Variants in SMG7 observed in about 807,000 individuals in gnomAD.
The protein encoded by SMG7 is SMG7 nonsense mediated mRNA decay factor.
In SMG7, 34 loss-of-function variants were observed where a neutral mutation model predicts 148.2. That is an observed-to-expected ratio of 0.23 (90% CI 0.17 to 0.31). SMG7 has a LOEUF of 0.31. Ranked by LOEUF, SMG7 falls within the 10% of genes least tolerant of loss-of-function variation. The pLI is 1.00. For synonymous variants in SMG7, 492 were observed against 515.1 expected (o/e 0.96, Z 0.61); for missense variants, 1,114 against 1,408.4 (o/e 0.79, Z 3.35).
intron 3 of SMG7, among the ~76,000 whole-genome samples, chr1:183,516,317 G>A (rs917709772): frequency 9.9e-5 from 15 of 151,426 alleles, no homozygotes; most frequent in African/African-American, 3.2e-4. Flanking sequence ...ATTAAGCCGC[G>A]ATTTAAAAAA....
intron 4 of SMG7, among the ~76,000 whole-genome samples, chr1:183,524,654 A>G (rs1665463072): frequency 6.6e-6 from 1 of 152,158 alleles, no homozygotes; most frequent in Admixed American, 6.5e-5. Flanking sequence ...GAGTGGTGAT[A>G]GAATCAAAAT....
chr1:183,552,826 C>A lies in SMG7; in HGVS notation c.*895C>A. Reference sequence around the variant, plus strand: ...CCTGACACGTTCTAATAGGTAGAAGCTTTCAGTGTGGTTATTTTTTCTTTG... The same window carrying A: ...CCTGACACGTTCTAATAGGTAGAAGATTTCAGTGTGGTTATTTTTTCTTTG... On this transcript the variant is annotated 3_prime_UTR_variant, in exon 23 of 23. Transcript: ENST00000688051. The A allele has an allele frequency of 7.0e-7, 1 of 1,432,304 alleles. No individual in the cohort carries two copies. Among genetic ancestry groups the A allele is most frequent in the Non-Finnish European group, 9.1e-7 (1 of 1,097,876 alleles). The allele number at this position is 1,432,304 out of a possible 1,614,324, so 88.7% of individuals were successfully genotyped here. A position where few individuals can be genotyped will look rare whatever the true frequency, so the allele number is the denominator to read the frequency against.
At chr1:183,506,969 C>G (rs1265333935) in intron 1 of SMG7, among the ~76,000 whole-genome samples, 1 of 151,538 alleles carries the variant, frequency 6.6e-6, no homozygotes, top group Non-Finnish European at 1.5e-5. Flanking sequence ...ACCTACGCCC[C>G]CCAGGTTCAA....
At chr1:183,526,561 G>T in intron 4 of SMG7, 35 bp from the exon 5 acceptor site, 2 of 1,460,980 alleles carry the variant, frequency 1.4e-6, no homozygotes, top group South Asian at 2.4e-5. Flanking sequence ...GAGCACTTGT[G>T]ACTTACTACT....
rs1666380242 is a variant in SMG7, at chr1:183,528,924, T to G, written c.589T>G (p.Ser197Ala). 1 of 1,613,420 alleles carries G rather than the reference T, an allele frequency of 6.2e-7. No individual in the cohort carries two copies. The highest frequency in any genetic ancestry group is 8.5e-7 in the Non-Finnish European group (1 of 1,179,554). ...QPYNQLAILA[S>A]SKGDHLTTIF... is the part of the protein sequence containing the mutation. ...TTATAATCAGTTGGCTATCTTAGCT[T>G]CTTCCAAAGGAGACCATCTGACCAC... Residue 197 changes from serine (S) to alanine (A), a missense_variant, in exon 7 of 23, where the codon TCT becomes GCT. Transcript: ENST00000688051.
rs1298199709 is a variant in SMG7, at chr1:183,552,966, A to C, written c.*1035A>C. 2.6e-6 allele frequency: 4 copies of C among 1,535,632 alleles called. No homozygotes were observed. The African/African-American group carries it at 5.5e-5, about 21-fold the overall frequency. ...TTATTCCTAATGTGTGCAACATCAC[A>C]TCTCCCCAAGAAGCAACAGCATGGG... is the stretch of plus-strand genomic sequence containing the variant. On this transcript the variant is annotated 3_prime_UTR_variant, in exon 23 of 23. Coordinates refer to ENST00000688051, the MANE Select transcript of SMG7 (RefSeq NM_001375584.1).
In SMG7 at chr1:183,554,046, T is replaced by C. The variant is rs1313856015; in HGVS notation, c.*2115T>C. 3.3e-5 allele frequency: 5 copies of C among 152,682 alleles called. No individual in the cohort carries two copies. The highest frequency in any genetic ancestry group is 7.3e-5 in the Non-Finnish European group (5 of 68,058). The allele number at this position is 152,682 out of a possible 1,614,324, so 9.5% of individuals were successfully genotyped here. A position where few individuals can be genotyped will look rare whatever the true frequency, so the allele number is the denominator to read the frequency against. On this transcript the variant is annotated 3_prime_UTR_variant, in exon 23 of 23. Transcript: ENST00000688051. ...GAGTAATGAGGGGGAGGAGAATCTT[T>C]ATCAGAAACTGGTTTTGTGTAGTAA...
intron 1 of SMG7, among the ~76,000 whole-genome samples, chr1:183,500,709 C>T (rs922495628): frequency 6.6e-6 from 1 of 151,980 alleles, no homozygotes; most frequent in South Asian, 2.1e-4. Flanking sequence ...GTTTAAAATA[C>T]AAGAATGGGT....
intron 1 of SMG7, among the ~76,000 whole-genome samples, chr1:183,505,075 T>G (rs1359598170): frequency 2.0e-5 from 3 of 151,996 alleles, no homozygotes; most frequent in African/African-American, 4.8e-5. Flanking sequence ...CCTTCTTTCC[T>G]TTATTCTAAA....
chr1:183,544,482 C>T lies in SMG7; in HGVS notation c.1972C>T (p.Leu658Phe). ...TCATCACCCTGGAGCCTTCCCTCCT[C>T]TTCCCAGCAGGCCAGGTAAATATGT... ...PIHHPGAFPP[L>F]PSRPGFPPPT... The change falls in exon 15 of 23, where the codon CTT becomes TTT. Residue 658 changes from leucine (L) to phenylalanine (F), a missense_variant. Transcript: ENST00000688051. 6.2e-7 allele frequency: 1 copy of T among 1,613,806 alleles called. No individual in the cohort carries two copies. Among genetic ancestry groups the T allele is most frequent in the Non-Finnish European group, 8.5e-7 (1 of 1,179,778 alleles).
rs1016911670 is a variant in SMG7, at chr1:183,542,116, A to C, written c.1456A>C (p.Ile486Leu). 3 of 1,613,520 alleles carry C rather than the reference A, an allele frequency of 1.9e-6. No homozygotes were observed. The highest frequency in any genetic ancestry group is 2.5e-6 in the Non-Finnish European group (3 of 1,179,676). The part of the protein sequence containing the change: ...CENEVGKLLF[I>L]TEIPELILED... ...AAATGAGGTAGGGAAATTGTTGTTT[A>C]TCACAGAAATCCCAGAATTAATACT... The change falls in exon 14 of 23, where the codon ATC becomes CTC. Residue 486 changes from isoleucine (I) to leucine (L), a missense_variant. Coordinates refer to ENST00000688051, the MANE Select transcript of SMG7 (RefSeq NM_001375584.1).
intron 10 of SMG7, among the ~76,000 whole-genome samples, chr1:183,534,754 C>T (rs764235719): frequency 1.3e-5 from 2 of 151,988 alleles, no homozygotes; most frequent in Non-Finnish European, 2.9e-5. Flanking sequence ...GTAATCCCAC[C>T]ACTTCGGGAG....
Position 183,533,831 on chromosome 1 carries a change from T to A in SMG7, c.1162T>A (p.Tyr388Asn). 1 of 1,596,642 alleles carries A rather than the reference T, an allele frequency of 6.3e-7. No individual in the cohort carries two copies. ...FQEAVVDERQ[Y>N]IWPWLISLLN... ...GGAGGCAGTGGTGGATGAAAGACAG[T>A]AGTAAGTATTTTTAGAATTTCATGT... Residue 388 changes from tyrosine to asparagine, a missense_variant and splice_region_variant, in exon 10 of 23, where the codon TAC (tyrosine) becomes AAC (asparagine). Coordinates refer to ENST00000688051, the MANE Select transcript of SMG7 (RefSeq NM_001375584.1).
In SMG7 at chr1:183,553,164, G is replaced by A. The variant is rs763505327; in HGVS notation, c.*1233G>A. On this transcript the variant is annotated 3_prime_UTR_variant, in exon 23 of 23. Coordinates refer to ENST00000688051, the MANE Select transcript of SMG7 (RefSeq NM_001375584.1). ...CATCAGGCACAGAAGAAAACACGAC[G>A]TCGTCCATTTTGGAAGAGACGAAAG... The A allele has an allele frequency of 3.1e-5, 48 of 1,536,340 alleles. No individual in the cohort carries two copies. Among genetic ancestry groups the A allele is most frequent in the Middle Eastern group, 3.3e-4 (2 of 6,012 alleles).
At chr1:183,486,267 G>A (rs16861100) in intron 1 of SMG7, among the ~76,000 whole-genome samples, 1,677 of 152,302 alleles carry the variant, frequency 0.011, 31 homozygotes, top group African/African-American at 0.039. Context: ...TTTGAATTAC[G>A]TGAATTTCTC....
chr1:183,497,916 AT>A (rs1288380759), intron 1 of SMG7, among the ~76,000 whole-genome samples: 1 of 152,224 alleles, frequency 6.6e-6, no homozygotes, highest in Non-Finnish European at 1.5e-5. Context: ...GCTCAGGAAA[AT>A]AATCAAGAAA....
At chr1:183,499,599 C>G (rs1659302007) in intron 1 of SMG7, among the ~76,000 whole-genome samples, 1 of 152,082 alleles carries the variant, frequency 6.6e-6, no homozygotes, top group Non-Finnish European at 1.5e-5. Context: ...TGCTTGTTTT[C>G]TTAATGTTCA....
rs115879477 is a variant in SMG7, at chr1:183,501,462, C to T, written c.30-11375C>T. Among the ~76,000 whole-genome samples, 1,223 of 152,238 alleles carry T rather than the reference C, an allele frequency of 8.0e-3. 18 individuals carry two copies. The highest frequency in any genetic ancestry group is 0.028 in the African/African-American group (1,171 of 41,520). On this transcript the variant is annotated intron_variant, in intron 1 of 22. Coordinates refer to ENST00000688051, the MANE Select transcript of SMG7 (RefSeq NM_001375584.1). ...AGAATATTTAGCTTTGTATCTGGCACGTACTAATTATAAATGTAAGCAATT... is the reference window on the plus strand; with the variant it reads ...AGAATATTTAGCTTTGTATCTGGCATGTACTAATTATAAATGTAAGCAATT...
chr1:183,550,652 TTAG>T (rs1423681417), intron 20 of SMG7, 96 bp from the exon 21 acceptor site: 2 of 1,169,578 alleles, frequency 1.7e-6, no homozygotes, highest in Non-Finnish European at 2.5e-6. Context: ...GTGGTTATTG[TTAG>T]TAGAATTTTA....
Sources: gnomAD v4.1 joint callset for allele counts (sites outside exome capture counted in the v4.1 genomes callset) on GRCh38, gnomAD v4.1.1 for gene constraint, MANE v1.5 for transcripts, NCBI Gene and HGNC (gene_info 2026-07-23, HGNC 2026-07-21) for gene names.